The following ASTN2 variants were observed in gnomAD, a reference collection of about 807,000 sequenced individuals.
ASTN2 encodes the protein astrotactin-2.
ASTN2 carries 54 observed loss-of-function variants against 139.8 expected under a neutral mutation model. That is an observed-to-expected ratio of 0.39 (90% CI 0.31 to 0.48). The LOEUF is 0.48. ASTN2 is among the 20% of genes least tolerant of loss of function. The pLI, the probability that ASTN2 is intolerant of heterozygous loss-of-function variation, is 0.95. For synonymous variants in ASTN2, 756 were observed against 719.5 expected (o/e 1.05, Z -0.81); for missense variants, 1,565 against 1,725.1 (o/e 0.91, Z 1.64).
rs146662415 is a variant in ASTN2 at position 117,251,357 on chromosome 9, C to T, written c.631-36615G>A. Among the ~76,000 whole-genome samples, 32 of 151,982 alleles carry T rather than the reference C, an allele frequency of 2.1e-4. 2 individuals carry two copies. In the East Asian group the frequency reaches 6.0e-3, roughly 29 times the overall value. ...ATAGAACCACCTGTCATTCTCTATC[C>T]CATTACCCTACTTCATTTTTGTCTC... On this transcript the variant is annotated intron_variant, in intron 2 of 22. Coordinates refer to ENST00000313400, the MANE Select transcript of ASTN2 (RefSeq NM_001365068.1).
intron 20 of ASTN2, among the ~76,000 whole-genome samples, chr9:116,444,091 G>A (rs1227049078): frequency 2.2e-5 from 3 of 139,088 alleles, no homozygotes; most frequent in Non-Finnish European, 4.7e-5. Flanking sequence ...CTAAAAGACA[G>A]GCACTATTAC....
chr9:117,133,818 A>C (rs916538394), intron 4 of ASTN2, among the ~76,000 whole-genome samples: 4 of 152,144 alleles, frequency 2.6e-5, no homozygotes, highest in African/African-American at 9.7e-5. Context: ...GAAGAGTAGA[A>C]TTTGCATATT....
intron 16 of ASTN2, chr9:116,697,604 GA>G: frequency 9.1e-7 from 1 of 1,095,322 alleles, no homozygotes. Context: ...AATGTTTCTT[GA>G]GTGAATTTAT....
chr9:117,080,389 T>C (rs1328869094), intron 5 of ASTN2, among the ~76,000 whole-genome samples: 1 of 152,182 alleles, frequency 6.6e-6, no homozygotes, highest in East Asian at 1.9e-4. Flanking sequence ...CTCATTCTAA[T>C]TTTTCAGTAT....
At chr9:117,170,565 C>T (rs2132923333) in intron 3 of ASTN2, among the ~76,000 whole-genome samples, 1 of 152,152 alleles carries the variant, frequency 6.6e-6, no homozygotes, top group Non-Finnish European at 1.5e-5. Flanking sequence ...AGAGAAAGAT[C>T]AGGCAGGAAA....
chr9:116,702,858 G>A (rs1023141366), intron 16 of ASTN2, among the ~76,000 whole-genome samples: 3 of 152,150 alleles, frequency 2.0e-5, no homozygotes, highest in South Asian at 2.1e-4. Context: ...GTACACTCCG[G>A]ACTTGAGTCT....
intron 3 of ASTN2, among the ~76,000 whole-genome samples, chr9:117,207,405 C>G (rs1831965767): frequency 6.6e-6 from 1 of 151,974 alleles, no homozygotes; most frequent in South Asian, 2.1e-4. Context: ...ATGCCCATGT[C>G]TCAAGCTGGA....
At chr9:116,651,980 G>A (rs904712746) in intron 16 of ASTN2, among the ~76,000 whole-genome samples, 187 bp from the exon 17 acceptor site, 4 of 152,126 alleles carry the variant, frequency 2.6e-5, no homozygotes, top group African/African-American at 9.7e-5. Flanking sequence ...GGCCAGAATG[G>A]TGTATTGTCC....
chr9:116,670,560 AG>A (rs1257970783), intron 16 of ASTN2, among the ~76,000 whole-genome samples: 1 of 152,176 alleles, frequency 6.6e-6, no homozygotes. Flanking sequence ...GGTAGAGGTG[AG>A]GGGTTGGGTA....
At chr9:117,113,113 G>A (rs944179864) in intron 4 of ASTN2, among the ~76,000 whole-genome samples, 2 of 152,278 alleles carry the variant, frequency 1.3e-5, no homozygotes, top group East Asian at 1.9e-4. Flanking sequence ...TTTGAAGCAA[G>A]TGAAACTCTC....
chr9:116,902,691 G>A (rs1157106423), intron 10 of ASTN2, among the ~76,000 whole-genome samples: 3 of 151,946 alleles, frequency 2.0e-5, no homozygotes, highest in Non-Finnish European at 4.4e-5. Flanking sequence ...GTTGTTAATC[G>A]ATGCATGACT....
chr9:116,861,107 C>T (rs894505313), intron 11 of ASTN2, among the ~76,000 whole-genome samples: 3 of 151,834 alleles, frequency 2.0e-5, no homozygotes, highest in African/African-American at 7.3e-5. Flanking sequence ...TTCATCAGAC[C>T]GTTGAATCTT....
rs768605932 is a variant in ASTN2 at position 116,426,003 on chromosome 9, C to T, written c.3868G>A (p.Val1290Met). 1.6e-4 allele frequency: 260 copies of T among 1,614,034 alleles called. No homozygotes were observed. Among genetic ancestry groups the T allele is most frequent in the Non-Finnish European group, 2.1e-4 (251 of 1,180,034 alleles). Residue 1290 changes from valine (V) to methionine (M), a missense_variant, in exon 23 of 23, where the codon GTG becomes ATG. Physicochemically the swap from Val to Met is conservative, Grantham distance 21. Around this residue, in one of 4 missense-constraint regions of ASTN2, gnomAD observed 418 missense variants for 465.8 expected, o/e 0.90. Transcript: ENST00000313400. ...LLRSAYIQSR[V>M]ETVPYLFCRS... ...CAGAAAAGATAGGGCACTGTTTCCACGCGGCTCTGGATGTAGGCACTCCGC... is the reference window on the plus strand; with the variant it reads ...CAGAAAAGATAGGGCACTGTTTCCATGCGGCTCTGGATGTAGGCACTCCGC...
chr9:117,286,459 A>G (rs10733627), intron 2 of ASTN2, among the ~76,000 whole-genome samples: 135,130 of 151,576 alleles, frequency 0.89, 60,875 homozygotes, highest in East Asian at 0.97. Flanking sequence ...GCAAGCAGGC[A>G]GATCACGAGG....
chr9:116,839,894 TAATTG>T (rs1832154548), intron 11 of ASTN2, among the ~76,000 whole-genome samples: 1 of 137,730 alleles, frequency 7.3e-6, no homozygotes, highest in African/African-American at 2.8e-5. Flanking sequence ...TTTTTTTTTT[TAATTG>T]ATCATTCTTG....
At chr9:117,326,356 G>C (rs1828518779) in intron 1 of ASTN2, among the ~76,000 whole-genome samples, 1 of 152,064 alleles carries the variant, frequency 6.6e-6, no homozygotes, top group Non-Finnish European at 1.5e-5. Context: ...TAATGGCAGA[G>C]TCAAGACTCA....
intron 19 of ASTN2, among the ~76,000 whole-genome samples, chr9:116,491,234 C>G (rs922669175): frequency 6.6e-6 from 1 of 152,154 alleles, no homozygotes; most frequent in Non-Finnish European, 1.5e-5. Context: ...CAACTGACAT[C>G]TAGTACTTAT....
chr9:117,191,928 G>A (rs1831359578), intron 3 of ASTN2, among the ~76,000 whole-genome samples: 1 of 152,206 alleles, frequency 6.6e-6, no homozygotes, highest in Non-Finnish European at 1.5e-5. Context: ...AGGAGAGACA[G>A]GGAGATGGAA....
rs971232615 is a variant in ASTN2, at chr9:116,507,488, A to G, written c.3356-19988T>C. ...TGTTAATGGCAGTCAACACTCCATCATTATTGTCCAGTTGGTGGGCAGCCT... is the reference window on the plus strand; with the variant it reads ...TGTTAATGGCAGTCAACACTCCATCGTTATTGTCCAGTTGGTGGGCAGCCT... On this transcript the variant is annotated intron_variant, in intron 19 of 22. Coordinates refer to ENST00000313400, the MANE Select transcript of ASTN2 (RefSeq NM_001365068.1). 2.0e-5 allele frequency among the ~76,000 whole-genome samples: 3 copies of G among 152,168 alleles called. No individual in the cohort carries two copies. The South Asian group carries it at 6.2e-4, about 32-fold the overall frequency.
Sources: allele counts gnomAD v4.1 joint callset (sites outside exome capture counted in the v4.1 genomes callset), GRCh38; gene constraint gnomAD v4.1.1; regional missense constraint gnomAD v4.1.1; transcripts MANE v1.5; gene names NCBI Gene and HGNC (gene_info 2026-07-23, HGNC 2026-07-21).